The following KIFAP3 variants were observed in gnomAD, a reference collection of about 807,000 sequenced individuals.
The protein encoded by KIFAP3 is kinesin-associated protein 3.
A neutral mutation model predicts 106.5 loss-of-function variants in KIFAP3; 68 were observed. The observed-to-expected ratio is 0.64, with a 90% CI of 0.53 to 0.78. KIFAP3 has a LOEUF of 0.78. KIFAP3 is among the 30% of genes least tolerant of loss of function. The pLI, the probability that KIFAP3 is intolerant of heterozygous loss-of-function variation, is 0.00. For missense variants in KIFAP3, 780 were observed against 941.8 expected (o/e 0.83, Z 2.25); for synonymous variants, 320 against 311.5 (o/e 1.03, Z -0.29).
intron 17 of KIFAP3, among the ~76,000 whole-genome samples, chr1:169,968,317 T>C (rs1273873704): frequency 1.3e-5 from 2 of 151,840 alleles, no homozygotes; most frequent in African/African-American, 4.8e-5. Flanking sequence ...TATCAGAGCC[T>C]GTTCACTATC....
intron 15 of KIFAP3, among the ~76,000 whole-genome samples, chr1:169,978,521 G>C (rs1242325396): frequency 6.6e-6 from 1 of 151,706 alleles, no homozygotes; most frequent in Non-Finnish European, 1.5e-5. Context: ...ATCATAAAAA[G>C]GTATTTCCTT....
chr1:170,084,220 C>G (rs1672066653), intron 1 of KIFAP3, among the ~76,000 whole-genome samples: 1 of 152,154 alleles, frequency 6.6e-6, no homozygotes, highest in African/African-American at 2.4e-5. Flanking sequence ...ACTCTTTTTC[C>G]TAGAAGCCTT....
At chr1:169,997,071 C>T (rs1035141954) in intron 10 of KIFAP3, among the ~76,000 whole-genome samples, 7 of 152,164 alleles carry the variant, frequency 4.6e-5, no homozygotes, top group Admixed American at 3.9e-4. Flanking sequence ...CATAGGTAGA[C>T]TGATAAAAGC....
intron 10 of KIFAP3, among the ~76,000 whole-genome samples, chr1:170,007,645 C>G (rs1301910995): frequency 6.6e-6 from 1 of 152,096 alleles, no homozygotes; most frequent in Non-Finnish European, 1.5e-5. Flanking sequence ...GAAAAACATT[C>G]CACGCTCATG....
intron 15 of KIFAP3, 44 bp downstream of exon 15, chr1:169,981,928 A>G: frequency 6.9e-7 from 1 of 1,448,940 alleles, no homozygotes; most frequent in South Asian, 1.2e-5. Context: ...TTAAATCAAT[A>G]AGCTGTTTAG....
intron 1 of KIFAP3, 79 bp downstream of exon 1, chr1:170,074,357 G>A (rs575975823): frequency 3.7e-4 from 559 of 1,528,058 alleles, no homozygotes; most frequent in Non-Finnish European, 4.8e-4. Flanking sequence ...GCGTTGCCCA[G>A]TGACATCTCA....
At chr1:169,940,865 G>A (rs1459214305) in intron 19 of KIFAP3, among the ~76,000 whole-genome samples, 1 of 151,872 alleles carries the variant, frequency 6.6e-6, no homozygotes, top group African/African-American at 2.4e-5. Context: ...GACTGTTCAT[G>A]TCCCCAAAAC....
At chr1:170,057,920 T>C (rs182819001) in intron 1 of KIFAP3, among the ~76,000 whole-genome samples, 2 of 152,290 alleles carry the variant, frequency 1.3e-5, no homozygotes, top group East Asian at 3.9e-4. Flanking sequence ...TTTTCATACA[T>C]GTGTAAGAAA....
intron 18 of KIFAP3, among the ~76,000 whole-genome samples, chr1:169,956,547 T>C (rs1259699766): frequency 6.6e-6 from 1 of 151,394 alleles, no homozygotes; most frequent in Non-Finnish European, 1.5e-5. Flanking sequence ...AGAATACAAC[T>C]AGTTCAATAA....
chr1:169,926,578 ATG>A (rs1166382940), intron 19 of KIFAP3, among the ~76,000 whole-genome samples: 3 of 151,906 alleles, frequency 2.0e-5, no homozygotes, highest in Admixed American at 6.6e-5. Flanking sequence ...CTGTGTATAT[ATG>A]TGTATATATA....
chr1:170,077,025 G>C (rs1249443279), upstream of KIFAP3, among the ~76,000 whole-genome samples: 1 of 152,052 alleles, frequency 6.6e-6, no homozygotes, highest in Non-Finnish European at 1.5e-5. Context: ...AGCACTCTGG[G>C]TCTAGCTAAA....
intron 11 of KIFAP3, among the ~76,000 whole-genome samples, chr1:169,991,293 C>A (rs1428575942): frequency 1.3e-5 from 2 of 151,400 alleles, no homozygotes; most frequent in African/African-American, 4.9e-5. Flanking sequence ...CTCCAGTGAG[C>A]TATGACTGTA....
At chr1:170,012,194 T>A (rs1438598785) in intron 10 of KIFAP3, among the ~76,000 whole-genome samples, 1 of 152,068 alleles carries the variant, frequency 6.6e-6, no homozygotes, top group Non-Finnish European at 1.5e-5. Flanking sequence ...ATGCTGCTGG[T>A]ACAGAAGAAA....
In KIFAP3 at chr1:170,046,729, T is replaced by A. The variant is rs760575878; in HGVS notation, c.302A>T (p.Asp101Val). 2.6e-6 allele frequency: 4 copies of A among 1,561,394 alleles called. No homozygotes were observed. Among genetic ancestry groups the A allele is most frequent in the Non-Finnish European group, 3.5e-6 (4 of 1,152,596 alleles). ...CTACTTACCTTTTCCTGACAATGAA[T>A]CACGGCGGTTCTGTAGATAGTACAA... is the stretch of plus-strand genomic sequence containing the variant. ...QLLYYLQNRRDSLSGKEKKEK... is the reference protein window; with the variant it reads ...QLLYYLQNRRVSLSGKEKKEK... The change falls in exon 3 of 20, where the codon GAT becomes GTT. Residue 101 changes from aspartate (D) to valine (V), a missense_variant. Coordinates refer to ENST00000361580, the MANE Select transcript of KIFAP3 (RefSeq NM_014970.4).
chr1:169,921,574 C>A lies in KIFAP3; in HGVS notation c.*102G>T. On this transcript the variant is annotated 3_prime_UTR_variant, in exon 20 of 20. Transcript: ENST00000361580. ...TATAAAAATAAAAACAAACACAGAC[C>A]CACAATAACATCAACATGCATTATT... 1 of 835,416 alleles carries A rather than the reference C, an allele frequency of 1.2e-6. No homozygotes were observed. Among genetic ancestry groups the A allele is most frequent in the Non-Finnish European group, 2.0e-6 (1 of 510,242 alleles). The allele number at this position is 835,416 out of a possible 1,614,324, so 51.8% of individuals were successfully genotyped here. A position where few individuals can be genotyped will look rare whatever the true frequency, so the allele number is the denominator to read the frequency against.
chr1:170,078,150 G>A (rs1571782522), upstream of KIFAP3, among the ~76,000 whole-genome samples: 1 of 151,942 alleles, frequency 6.6e-6, no homozygotes, highest in Admixed American at 6.6e-5. Flanking sequence ...ATGCCGTTCT[G>A]CATTTCTACC....
At chr1:169,924,934 C>T (rs565922970) in intron 19 of KIFAP3, among the ~76,000 whole-genome samples, 2 of 152,248 alleles carry the variant, frequency 1.3e-5, no homozygotes, top group East Asian at 1.9e-4. Flanking sequence ...AATTTGTATG[C>T]CCTCACTAGG....
At chr1:170,046,626 G>T in intron 3 of KIFAP3, 86 bp downstream of exon 3, 2 of 1,115,248 alleles carry the variant, frequency 1.8e-6, no homozygotes, top group Non-Finnish European at 2.4e-6. Context: ...TCAATAGTTT[G>T]ATAAACTTTT....
chr1:170,020,468 T>A (rs1668751497), intron 9 of KIFAP3, among the ~76,000 whole-genome samples: 1 of 152,154 alleles, frequency 6.6e-6, no homozygotes, highest in African/African-American at 2.4e-5. Context: ...CTTTTTTATT[T>A]TTTTGAGACG....
Sources: gnomAD v4.1 joint callset for allele counts (sites outside exome capture counted in the v4.1 genomes callset) on GRCh38, gnomAD v4.1.1 for gene constraint, MANE v1.5 for transcripts, NCBI Gene and HGNC (gene_info 2026-07-23, HGNC 2026-07-21) for gene names.